The following GTF2IRD1 variants were observed in gnomAD, a reference collection of about 807,000 sequenced individuals.
GTF2IRD1 encodes the protein general transcription factor II-I repeat domain-containing protein 1.
In GTF2IRD1, 26 loss-of-function variants were observed where a neutral mutation model predicts 113.2. The observed-to-expected ratio is 0.23, with a 90% CI of 0.17 to 0.32. The LOEUF is 0.32. Ranked by LOEUF, GTF2IRD1 falls within the 10% of genes least tolerant of loss-of-function variation. The pLI, the probability that GTF2IRD1 is intolerant of heterozygous loss-of-function variation, is 1.00. For synonymous variants in GTF2IRD1, 484 were observed against 529.1 expected (o/e 0.91, Z 1.17); for missense variants, 864 against 1,280.8 (o/e 0.67, Z 4.97).
Position 74,555,654 on chromosome 7 carries a change from C to T in GTF2IRD1, c.2023+160C>T, listed in dbSNP as rs587697899. On this transcript the variant is annotated intron_variant, in intron 19 of 26. Coordinates refer to ENST00000424337, the MANE Select transcript of GTF2IRD1 (RefSeq NM_005685.4). This position sits in a 1 kb window ranked among gnomAD's most constrained non-coding sequence, Gnocchi z 5.3. The stretch of plus-strand genomic sequence containing the variant: ...TTGGCAGCCCAGGCCCGGCTGTACC[C>T]TGCCAGCTCTGTGTTAGAGACTCCA... 7.9e-4 allele frequency among the ~76,000 whole-genome samples: 121 copies of T among 152,328 alleles called. No homozygotes were observed. Among genetic ancestry groups the T allele is most frequent in the Admixed American group, 1.8e-3 (27 of 15,290 alleles).
intron 19 of GTF2IRD1, among the ~76,000 whole-genome samples, chr7:74,556,742 GCCT>G (rs1554357017): frequency 6.7e-6 from 1 of 148,974 alleles, no homozygotes; most frequent in African/African-American, 2.5e-5. Flanking sequence ...TCTTGCCTCA[GCCT>G]CCCAAGTAGC....
chr7:74,464,154 GCTAGAGC>G (rs1401769091), intron 1 of GTF2IRD1, among the ~76,000 whole-genome samples: 1 of 152,192 alleles, frequency 6.6e-6, no homozygotes, highest in African/African-American at 2.4e-5. Flanking sequence ...TGTTTTTGTG[GCTAGAGC>G]CTAGATTATG....
chr7:74,488,872 G>A (rs782049500), intron 1 of GTF2IRD1, among the ~76,000 whole-genome samples: 23 of 152,036 alleles, frequency 1.5e-4, no homozygotes, highest in Non-Finnish European at 2.8e-4. Flanking sequence ...CCTGGGCGCG[G>A]TGGTTCATTC....
At chr7:74,593,630 G>A (rs1802209084) in intron 24 of GTF2IRD1, among the ~76,000 whole-genome samples, 1 of 151,438 alleles carries the variant, frequency 6.6e-6, no homozygotes, top group Non-Finnish European at 1.5e-5. Context: ...CTACTCGAGA[G>A]GCTGAGGCAG....
At chr7:74,547,987 C>T (rs1799058690) in intron 17 of GTF2IRD1, among the ~76,000 whole-genome samples, 1 of 152,088 alleles carries the variant, frequency 6.6e-6, no homozygotes. Flanking sequence ...GGGAGCAATG[C>T]CCTGTCGTCC....
At chr7:74,517,225 T>A (rs983657624) in intron 4 of GTF2IRD1, among the ~76,000 whole-genome samples, 1 of 151,778 alleles carries the variant, frequency 6.6e-6, no homozygotes, top group Non-Finnish European at 1.5e-5. Context: ...GGTTTCACCA[T>A]GTTGGCCAGG....
At chr7:74,483,018 C>T (rs1554334942) in intron 1 of GTF2IRD1, among the ~76,000 whole-genome samples, 1 of 152,166 alleles carries the variant, frequency 6.6e-6, no homozygotes, top group African/African-American at 2.4e-5. Flanking sequence ...AAAGAATTTG[C>T]AATCAGCGTA....
chr7:74,454,889 G>A (rs1395913766), intron 1 of GTF2IRD1, among the ~76,000 whole-genome samples: 1 of 152,148 alleles, frequency 6.6e-6, no homozygotes, highest in Non-Finnish European at 1.5e-5. Flanking sequence ...GGGGCCACAG[G>A]GTGCTGAACA....
At chr7:74,553,740 T>C (rs1799443659) in intron 17 of GTF2IRD1, among the ~76,000 whole-genome samples, 2 of 152,108 alleles carry the variant, frequency 1.3e-5, no homozygotes, top group African/African-American at 4.8e-5. Flanking sequence ...GCTGTGCTAT[T>C]TAAGGGGAAG....
At chr7:74,496,202 T>C (rs1390422928) in intron 1 of GTF2IRD1, among the ~76,000 whole-genome samples, 4 of 151,542 alleles carry the variant, frequency 2.6e-5, no homozygotes, top group African/African-American at 9.7e-5. Context: ...TGCGTGCGTA[T>C]GTGTATGGGG....
chr7:74,580,125 A>AGGGGTTAAAAGCTGAACCTGAAT (rs1405253166), intron 22 of GTF2IRD1, among the ~76,000 whole-genome samples: 1 of 152,082 alleles, frequency 6.6e-6, no homozygotes, highest in Non-Finnish European at 1.5e-5. Context: ...AGGCCCTACA[A>AGGGGTTAAAAGCTGAACCTGAAT]GGGGTTAAAA....
In GTF2IRD1 at chr7:74,512,880, C is replaced by T. The variant is rs782002458; in HGVS notation, c.174C>T (p.His58=). ...CCGAGGTGGCCTGTGTCGCCGTGCA[C>T]GATGAGAGCGCCTTTGTGGTGGGCA... is the stretch of plus-strand genomic sequence containing the variant. The part of the protein sequence containing the change: ...LNAEVACVAV[H]DESAFVVGTE... The change falls in exon 3 of 27, where the codon CAC becomes CAT. Residue 58 remains histidine, a synonymous_variant. Transcript: ENST00000424337. The surrounding 1 kb of genome is among the most constrained non-coding windows in gnomAD (Gnocchi z 4.4). The T allele has an allele frequency of 5.6e-6, 9 of 1,613,908 alleles. No individual in the cohort carries two copies. Among genetic ancestry groups the T allele is most frequent in the East Asian group, 2.2e-5 (1 of 44,898 alleles).
intron 1 of GTF2IRD1, among the ~76,000 whole-genome samples, chr7:74,463,388 A>G (rs1441880349): frequency 6.6e-6 from 1 of 152,058 alleles, no homozygotes; most frequent in Non-Finnish European, 1.5e-5. Context: ...GGCACTTGCC[A>G]CTACACCCAG....
At chr7:74,589,981 G>A (rs1165911543) in intron 23 of GTF2IRD1, 53 bp downstream of exon 23, 2 of 1,204,654 alleles carry the variant, frequency 1.7e-6, no homozygotes, top group African/African-American at 3.0e-5. Flanking sequence ...CGGGGGTGGT[G>A]GGGGGCCTCC....
intron 1 of GTF2IRD1, among the ~76,000 whole-genome samples, chr7:74,456,051 T>C (rs1376794820): frequency 6.6e-6 from 1 of 152,182 alleles, no homozygotes; most frequent in Non-Finnish European, 1.5e-5. Flanking sequence ...TCACAAATAA[T>C]TTTTATCTGT....
rs542616103 is a variant in GTF2IRD1, at chr7:74,512,305, T to C, written c.124-525T>C. On this transcript the variant is annotated intron_variant, in intron 2 of 26. Transcript: ENST00000424337. This position sits in a 1 kb window ranked among gnomAD's most constrained non-coding sequence, Gnocchi z 4.4. ...AGGCAGAGGTTGCAGTGAACCAAGA[T>C]TGTGCCACTGCACTCCAGCCTGGGC... Among the ~76,000 whole-genome samples the C allele has an allele frequency of 6.6e-6, 1 of 152,240 alleles. No individual in the cohort carries two copies. The highest frequency in any genetic ancestry group is 2.4e-5 in the African/African-American group (1 of 41,558).
intron 7 of GTF2IRD1, 40 bp downstream of exon 7, chr7:74,521,337 A>G: frequency 8.2e-7 from 1 of 1,214,788 alleles, no homozygotes; most frequent in Non-Finnish European, 1.2e-6. Context: ...CTGAGTGGGA[A>G]TCTGAGGTTG....
chr7:74,544,812 T>TG lies in GTF2IRD1; in HGVS notation c.1666+11dup. On this transcript the variant is annotated intron_variant, in intron 15 of 26. Transcript: ENST00000424337. ...GAGAGGCCCGTGGAGGGTGAGGCCC[T>TG]GTCTACCCCTGACATTTTACACCCA... The TG allele has an allele frequency of 6.2e-7, 1 of 1,609,764 alleles. No homozygotes were observed. The highest frequency in any genetic ancestry group is 1.1e-5 in the South Asian group (1 of 90,968).
chr7:74,567,461 C>A (rs1554361026), intron 22 of GTF2IRD1, among the ~76,000 whole-genome samples: 1 of 152,010 alleles, frequency 6.6e-6, no homozygotes, highest in South Asian at 2.1e-4. Flanking sequence ...TGAGAGTAGA[C>A]GGAGGTGCTA....
Sources: gnomAD v4.1 joint callset for allele counts (sites outside exome capture counted in the v4.1 genomes callset) on GRCh38, gnomAD v4.1.1 for gene constraint, Gnocchi (gnomAD v3.1) non-coding constraint, MANE v1.5 for transcripts, NCBI Gene and HGNC (gene_info 2026-07-23, HGNC 2026-07-21) for gene names.